The following GABRB1 variants were observed in gnomAD, a reference collection of about 807,000 sequenced individuals.
GABRB1 encodes gamma-aminobutyric acid receptor subunit beta-1.
In GABRB1, 17 loss-of-function variants were observed where a neutral mutation model predicts 51.6. The ratio of observed to expected loss-of-function variants is 0.33; its 90% CI spans 0.23 to 0.49. The LOEUF (loss-of-function observed/expected upper bound fraction) is 0.49. GABRB1 is among the 20% of genes least tolerant of loss of function. The pLI is 0.99. For missense variants in GABRB1, 410 were observed against 600.6 expected (o/e 0.68, Z 3.32); for synonymous variants, 247 against 218.9 (o/e 1.13, Z -1.14).
intron 4 of GABRB1, among the ~76,000 whole-genome samples, chr4:47,311,628 C>G (rs1217662895): frequency 4.6e-5 from 7 of 152,008 alleles, no homozygotes. Context: ...GGAACACAGC[C>G]CTGCTAACAC....
At chr4:47,012,004 A>C (rs1724596125) in intron 1 of GABRB1, among the ~76,000 whole-genome samples, 1 of 152,186 alleles carries the variant, frequency 6.6e-6, no homozygotes, top group Non-Finnish European at 1.5e-5. Context: ...TTTAAAAATA[A>C]ATTAATAAAA....
chr4:47,078,034 G>C (rs1727651576), intron 3 of GABRB1, among the ~76,000 whole-genome samples: 1 of 143,450 alleles, frequency 7.0e-6, no homozygotes, highest in Non-Finnish European at 1.5e-5. Flanking sequence ...TTATTGGCCA[G>C]GCTGGAGTGC....
intron 5 of GABRB1, among the ~76,000 whole-genome samples, chr4:47,338,206 C>T (rs1725767147): frequency 6.6e-6 from 1 of 152,182 alleles, no homozygotes; most frequent in Non-Finnish European, 1.5e-5. Context: ...CTGGAGCTGA[C>T]TGATGACAAA....
chr4:47,078,281 G>A (rs188077263), intron 3 of GABRB1, among the ~76,000 whole-genome samples: 75 of 151,762 alleles, frequency 4.9e-4, no homozygotes, highest in African/African-American at 1.1e-3. Context: ...CATCGCGCCC[G>A]GCCTATAATT....
intron 3 of GABRB1, among the ~76,000 whole-genome samples, chr4:47,082,801 T>G (rs1372117311): frequency 1.3e-5 from 2 of 152,100 alleles, no homozygotes; most frequent in African/African-American, 4.8e-5. Flanking sequence ...AGTAAATAAC[T>G]GAGAATATCT....
intron 5 of GABRB1, among the ~76,000 whole-genome samples, chr4:47,348,428 A>T (rs967557872): frequency 1.1e-4 from 17 of 152,202 alleles, no homozygotes; most frequent in Admixed American, 9.2e-4. Flanking sequence ...ATGTATATCA[A>T]CTTTGTTTTA....
chr4:47,342,532 C>A (rs1191019017), intron 5 of GABRB1, among the ~76,000 whole-genome samples: 1 of 152,162 alleles, frequency 6.6e-6, no homozygotes, highest in Non-Finnish European at 1.5e-5. Flanking sequence ...AGAAACAGAC[C>A]TCAGCTTTAT....
intron 3 of GABRB1, among the ~76,000 whole-genome samples, chr4:47,056,084 C>G (rs1726585437): frequency 6.6e-6 from 1 of 152,120 alleles, no homozygotes; most frequent in Non-Finnish European, 1.5e-5. Flanking sequence ...CAAATTTCAA[C>G]TCTTGTTCTA....
chr4:47,085,459 G>A (rs1000634596), intron 3 of GABRB1, among the ~76,000 whole-genome samples: 7 of 151,998 alleles, frequency 4.6e-5, no homozygotes, highest in South Asian at 2.1e-4. Flanking sequence ...TAATTTCTGC[G>A]CTCATCAACT....
At chr4:47,067,085 G>T (rs1727120935) in intron 3 of GABRB1, among the ~76,000 whole-genome samples, 1 of 152,178 alleles carries the variant, frequency 6.6e-6, no homozygotes, top group Non-Finnish European at 1.5e-5. Flanking sequence ...GAACTCTTGG[G>T]TGACCAGGTA....
chr4:47,131,064 T>C (rs917886078), intron 3 of GABRB1, among the ~76,000 whole-genome samples: 6 of 152,194 alleles, frequency 3.9e-5, no homozygotes, highest in Admixed American at 6.5e-5. Flanking sequence ...CTCTGTGTGC[T>C]TACATTCACA....
At chr4:47,005,451 G>A (rs73247619) in intron 1 of GABRB1, among the ~76,000 whole-genome samples, 12,114 of 151,910 alleles carry the variant, frequency 0.08, 541 homozygotes, top group South Asian at 0.16. Context: ...AACTGTTCTT[G>A]GTGAGGAAGT....
At chr4:47,004,017 G>A (rs990814681) in intron 1 of GABRB1, among the ~76,000 whole-genome samples, 3 of 152,186 alleles carry the variant, frequency 2.0e-5, no homozygotes, top group East Asian at 1.9e-4. Flanking sequence ...TTTAGATGGA[G>A]TATTGCTCTG....
chr4:47,345,296 CT>C (rs1726050006), intron 5 of GABRB1, among the ~76,000 whole-genome samples: 1 of 152,132 alleles, frequency 6.6e-6, no homozygotes, highest in Non-Finnish European at 1.5e-5. Context: ...AAGAGGGCCC[CT>C]ATCCTCCCTA....
chr4:47,399,806 A>G (rs571316690), intron 5 of GABRB1, among the ~76,000 whole-genome samples: 1 of 152,168 alleles, frequency 6.6e-6, no homozygotes, highest in Non-Finnish European at 1.5e-5. Context: ...TTTTCTTTCC[A>G]GCATTGTGTA....
intron 1 of GABRB1, among the ~76,000 whole-genome samples, chr4:47,013,100 G>A (rs937729904): frequency 1.3e-5 from 2 of 151,512 alleles, no homozygotes; most frequent in African/African-American, 4.9e-5. Flanking sequence ...GAACATTCTT[G>A]GACATGTCAC....
intron 1 of GABRB1, among the ~76,000 whole-genome samples, chr4:47,018,682 A>T (rs780792179): frequency 7.3e-4 from 111 of 152,204 alleles, no homozygotes; most frequent in Non-Finnish European, 1.4e-3. Context: ...TTACACTAAA[A>T]TAAGCTAGAG....
chr4:47,049,063 GA>G (rs5858051), intron 3 of GABRB1, among the ~76,000 whole-genome samples: 103,721 of 138,538 alleles, frequency 0.75, 38,404 homozygotes, highest in Non-Finnish European at 0.83. Context: ...GATGAGAAGA[GA>G]AAAAAAAAAA....
At chr4:47,042,864 T>C (rs1577853356) in intron 3 of GABRB1, among the ~76,000 whole-genome samples, 1 of 152,000 alleles carries the variant, frequency 6.6e-6, no homozygotes, top group Middle Eastern at 3.2e-3. Context: ...TACAAAATTA[T>C]ACATATACCT....
Sources: gnomAD v4.1 joint callset for allele counts (sites outside exome capture counted in the v4.1 genomes callset) on GRCh38, gnomAD v4.1.1 for gene constraint, MANE v1.5 for transcripts, NCBI Gene and HGNC (gene_info 2026-07-23, HGNC 2026-07-21) for gene names.